VCP: variants seen among roughly 807,000 people sequenced by gnomAD.
VCP encodes valosin containing protein.
Under a neutral mutation model 85.7 loss-of-function variants are expected in VCP, and 6 were observed. The observed-to-expected ratio is 0.07, with a 90% CI of 0.04 to 0.14. The LOEUF is 0.14. Ranked by LOEUF, VCP falls within the 10% of genes least tolerant of loss-of-function variation. The probability of loss-of-function intolerance (pLI) is 1.00; values close to 1 mark genes in which losing one functional copy is unlikely to be tolerated. For synonymous variants in VCP, 384 were observed against 367.1 expected (o/e 1.05, Z -0.53); for missense variants, 353 against 1,043.4 (o/e 0.34, Z 9.12).
In VCP at chr9:35,072,471, A is replaced by T. The variant is rs1828980006; in HGVS notation, c.-118T>A. Reference sequence around the variant, plus strand: ...TCCAGGCGGTGGGCGAGCAGCGGCGACAAACCCGCAAGCGGCTTCCCTCTC... The same window carrying T: ...TCCAGGCGGTGGGCGAGCAGCGGCGTCAAACCCGCAAGCGGCTTCCCTCTC... On this transcript the variant is annotated 5_prime_UTR_variant, in exon 1 of 17. Transcript: ENST00000358901. 88 of 1,289,378 alleles carry T rather than the reference A, an allele frequency of 6.8e-5. 2 individuals carry two copies. The South Asian group carries it at 1.5e-3, about 22-fold the overall frequency. 79.9% of individuals were successfully genotyped at this position (1,289,378 alleles called of 1,614,324 possible).
At position 35,057,496 on chromosome 9, in the gene VCP, C is replaced by T. The variant is rs750571188; in HGVS notation, c.2195G>A (p.Arg732His). 1.9e-6 allele frequency: 3 copies of T among 1,613,062 alleles called. No individual in the cohort carries two copies. The highest frequency in any genetic ancestry group is 1.1e-5 in the South Asian group (1 of 91,090). The change falls in exon 16 of 17, where the codon CGT becomes CAT. Residue 732 changes from arginine to histidine, a missense_variant. Coordinates refer to ENST00000358901, the MANE Select transcript of VCP (RefSeq NM_007126.5). ...CATGGCTTCTTCAAAGTGATCTCGA[C>T]GGATCTCAGGCACTGGATCATCCTC... ...VEEDDPVPEI[R>H]RDHFEEAMRF... is the part of the protein sequence containing the mutation.
At chr9:35,065,128 A>C in intron 5 of VCP, 123 bp downstream of exon 5, 1 of 1,452,192 alleles carries the variant, frequency 6.9e-7, no homozygotes, top group Non-Finnish European at 9.5e-7. Flanking sequence ...TCAGTCTCCC[A>C]AAGTACTGGG....
chr9:35,063,179 C>T (rs371977902), intron 6 of VCP, 99 bp from the exon 7 acceptor site: 2 of 1,049,794 alleles, frequency 1.9e-6, no homozygotes, highest in South Asian at 2.5e-5. Flanking sequence ...AGGCTTCAAC[C>T]CTGACAATAT....
At position 35,062,118 on chromosome 9, in the gene VCP, C is replaced by T; in HGVS notation, c.966G>A (p.Arg322=). 6.2e-7 allele frequency: 1 copy of T among 1,614,134 alleles called. No homozygotes were observed. The highest frequency in any genetic ancestry group is 8.5e-7 in the Non-Finnish European group (1 of 1,180,026). ...KREKTHGEVE[R]RIVSQLLTLM... ...GGGTCAACAACTGTGATACAATGCG[C>T]CGCTCCACCTCGCCATGAGTCTGCC... The change falls in exon 9 of 17, where the codon CGG becomes CGA. Residue 322 remains arginine (R), a synonymous_variant. Coordinates refer to ENST00000358901, the MANE Select transcript of VCP (RefSeq NM_007126.5).
At chr9:35,060,987 G>A in intron 11 of VCP, 28 bp downstream of exon 11, 3 of 1,614,156 alleles carry the variant, frequency 1.9e-6, no homozygotes, top group East Asian at 2.2e-5. Context: ...ACGTATGTGT[G>A]TACCTGAGGC....
intron 1 of VCP, among the ~76,000 whole-genome samples, chr9:35,071,121 C>G (rs1022144307): frequency 3.9e-5 from 6 of 152,096 alleles, no homozygotes; most frequent in African/African-American, 1.4e-4. Context: ...AAATAAGAGG[C>G]TGACTGCATA....
rs374391034 is a variant in VCP, at chr9:35,057,477, T to C, written c.2214A>G (p.Glu738=). Residue 738 remains glutamate, a synonymous_variant, in exon 16 of 17, where the codon GAA becomes GAG. Coordinates refer to ENST00000358901, the MANE Select transcript of VCP (RefSeq NM_007126.5). ...CAGAACGGCGCGCAAAGCGCATGGC[T>C]TCTTCAAAGTGATCTCGACGGATCT... ...VPEIRRDHFE[E]AMRFARRSVS... 1,742 of 1,614,042 alleles carry C rather than the reference T, an allele frequency of 1.1e-3. 25 individuals are homozygous for C. The South Asian group carries it at 0.018, about 17-fold the overall frequency.
intron 15 of VCP, among the ~76,000 whole-genome samples, chr9:35,058,365 C>T (rs1188633072): frequency 6.6e-6 from 1 of 152,184 alleles, no homozygotes; most frequent in African/African-American, 2.4e-5. Context: ...TGACAGAGAT[C>T]TTACCTTTAT....
At chr9:35,066,864 C>T in intron 3 of VCP, 47 bp from the exon 4 acceptor site, 1 of 1,613,196 alleles carries the variant, frequency 6.2e-7, no homozygotes, top group Non-Finnish European at 8.5e-7. Flanking sequence ...ACTTCGGGCC[C>T]AAGCACTGGG....
Position 35,057,509 on chromosome 9 carries a change from C to G in VCP, c.2182G>C (p.Val728Leu). The part of the protein sequence containing the change: ...SAMEVEEDDP[V>L]PEIRRDHFEE... ...AAGTGATCTCGACGGATCTCAGGCA[C>G]TGGATCATCCTCTTCTACCTCCTAT... Residue 728 changes from valine to leucine, a missense_variant, in exon 16 of 17, where the codon GTG becomes CTG. By Grantham distance (32) the Val-to-Leu change is conservative. Coordinates refer to ENST00000358901, the MANE Select transcript of VCP (RefSeq NM_007126.5). 6.2e-7 allele frequency: 1 copy of G among 1,611,832 alleles called. No homozygotes were observed. The highest frequency in any genetic ancestry group is 8.5e-7 in the Non-Finnish European group (1 of 1,180,030).
At chr9:35,069,437 C>T (rs1828895221) in intron 1 of VCP, among the ~76,000 whole-genome samples, 1 of 149,626 alleles carries the variant, frequency 6.7e-6, no homozygotes, top group Non-Finnish European at 1.5e-5. Flanking sequence ...CAGCAAGCTC[C>T]CTCTCCCTTT....
At chr9:35,071,721 C>T in intron 1 of VCP, 2 of 986,434 alleles carry the variant, frequency 2.0e-6, no homozygotes, top group Non-Finnish European at 2.4e-6. Context: ...CCCTAACAGT[C>T]CTTCACGACT....
At chr9:35,062,493 C>A in intron 7 of VCP, 143 bp from the exon 8 acceptor site, 1 of 1,323,140 alleles carries the variant, frequency 7.6e-7, no homozygotes, top group Non-Finnish European at 1.1e-6. Context: ...ACATCCTCTA[C>A]CAGCCATTAT....
At chr9:35,066,397 GA>G (rs1319129117) in intron 4 of VCP, among the ~76,000 whole-genome samples, 2 of 150,556 alleles carry the variant, frequency 1.3e-5, no homozygotes, top group African/African-American at 2.4e-5. Flanking sequence ...AGGTAGCTGG[GA>G]TTACAGGTGC....
chr9:35,071,957 T>G, intron 1 of VCP: 4 of 1,052,428 alleles, frequency 3.8e-6, no homozygotes, highest in East Asian at 9.5e-5. Context: ...TTTCGGCGGG[T>G]GGTAGGCCGG....
chr9:35,060,436 T>C lies in VCP; in HGVS notation c.1572A>G (p.Lys524=). ...VLFYGPPGCG[K]TLLAKAIANE... Reference sequence around the variant, plus strand: ...TAGCAATGGCTTTGGCCAACAAAGTTTTCCCACAGCCAGGAGGTCCATAGA... The same window carrying C: ...TAGCAATGGCTTTGGCCAACAAAGTCTTCCCACAGCCAGGAGGTCCATAGA... The change falls in exon 13 of 17, where the codon AAA becomes AAG. Residue 524 remains lysine (K), a synonymous_variant. Coordinates refer to ENST00000358901, the MANE Select transcript of VCP (RefSeq NM_007126.5). 6.2e-7 allele frequency: 1 copy of C among 1,614,194 alleles called. No individual in the cohort carries two copies. Among genetic ancestry groups the C allele is most frequent in the Non-Finnish European group, 8.5e-7 (1 of 1,180,044 alleles).
At chr9:35,063,962 A>G (rs753827396) in intron 6 of VCP, among the ~76,000 whole-genome samples, 192 bp downstream of exon 6, 6 of 152,274 alleles carry the variant, frequency 3.9e-5, no homozygotes, top group South Asian at 2.1e-4. Flanking sequence ...CAATTTGATT[A>G]GCCTACTCTG....
chr9:35,069,457 T>C (rs1828897024), intron 1 of VCP, among the ~76,000 whole-genome samples: 1 of 149,450 alleles, frequency 6.7e-6, no homozygotes, highest in Non-Finnish European at 1.5e-5. Flanking sequence ...TTTTTTTTTT[T>C]TTTTTTTTTT....
Position 35,057,468 on chromosome 9 carries a change from G to A in VCP, c.2223C>T (p.Arg741=), listed in dbSNP as rs775316749. The A allele has an allele frequency of 1.9e-6, 3 of 1,614,122 alleles. No individual in the cohort carries two copies. Among genetic ancestry groups the A allele is most frequent in the East Asian group, 2.2e-5 (1 of 44,892 alleles). ...IRRDHFEEAM[R]FARRSVSDND... The stretch of plus-strand genomic sequence containing the variant: ...TGTCACTGACAGAACGGCGCGCAAA[G>A]CGCATGGCTTCTTCAAAGTGATCTC... Residue 741 remains arginine (R), a synonymous_variant, in exon 16 of 17, where the codon CGC becomes CGT. Transcript: ENST00000358901.
Sources: gnomAD v4.1 joint callset for allele counts (sites outside exome capture counted in the v4.1 genomes callset) on GRCh38, gnomAD v4.1.1 for gene constraint, MANE v1.5 for transcripts, NCBI Gene and HGNC (gene_info 2026-07-23, HGNC 2026-07-21) for gene names.